The following PRKCZ variants were observed in gnomAD, a reference collection of about 807,000 sequenced individuals.
PRKCZ encodes protein kinase C zeta.
PRKCZ carries 33 observed loss-of-function variants against 79.5 expected under a neutral mutation model. The observed-to-expected ratio is 0.41, with a 90% confidence interval of 0.31 to 0.55. PRKCZ has a LOEUF of 0.55. Ranked by LOEUF, PRKCZ falls within the 20% of genes least tolerant of loss-of-function variation. The pLI is 0.19. For missense variants in PRKCZ, 578 were observed against 813.5 expected (o/e 0.71, Z 3.52); for synonymous variants, 342 against 320.9 (o/e 1.07, Z -0.70).
At position 2,165,669 on chromosome 1, in the gene PRKCZ, G is replaced by A. The variant is rs1347363200; in HGVS notation, c.975-3849G>A. Reference sequence around the variant, plus strand: ...TTAGACACTGCGTGAAGGGACGCGTGTGGCCGTGTTCCACCAGAACTTTCT... The same window carrying A: ...TTAGACACTGCGTGAAGGGACGCGTATGGCCGTGTTCCACCAGAACTTTCT... On this transcript the variant is annotated intron_variant, in intron 10 of 17. Transcript: ENST00000378567. This position sits in a 1 kb window ranked among gnomAD's most constrained non-coding sequence, Gnocchi z 4.1. Among the ~76,000 whole-genome samples the A allele has an allele frequency of 2.6e-5, 4 of 152,234 alleles. No individual in the cohort carries two copies. Among genetic ancestry groups the A allele is most frequent in the Non-Finnish European group, 5.9e-5 (4 of 68,038 alleles).
intron 4 of PRKCZ, chr1:2,104,638 G>A: frequency 2.1e-6 from 2 of 971,442 alleles, no homozygotes; most frequent in Non-Finnish European, 2.4e-6. Flanking sequence ...CCCAGGCAGG[G>A]AGCATCCAGG....
intron 1 of PRKCZ, among the ~76,000 whole-genome samples, chr1:2,054,385 C>T (rs1224418942): frequency 1.3e-5 from 2 of 152,146 alleles, no homozygotes; most frequent in Non-Finnish European, 2.9e-5. Flanking sequence ...TCCCTCCCCT[C>T]CACGCAGGGT....
chr1:2,077,108 G>A (rs918736434), intron 4 of PRKCZ, among the ~76,000 whole-genome samples: 9 of 152,216 alleles, frequency 5.9e-5, no homozygotes, highest in Non-Finnish European at 7.3e-5. Context: ...CCCTGCTGCC[G>A]GTTGTTCTGG....
At chr1:2,087,092 A>AT (rs555438927) in intron 4 of PRKCZ, among the ~76,000 whole-genome samples, 6 of 151,484 alleles carry the variant, frequency 4.0e-5, no homozygotes, top group East Asian at 1.9e-4. Context: ...TCTTTTATTT[A>AT]TTTTTTTTGA....
chr1:2,078,066 A>G (rs1662766164), intron 4 of PRKCZ, among the ~76,000 whole-genome samples: 1 of 152,070 alleles, frequency 6.6e-6, no homozygotes, highest in Non-Finnish European at 1.5e-5. Flanking sequence ...GAAGAGGGGC[A>G]GCTCCCACCG....
intron 10 of PRKCZ, 90 bp downstream of exon 10, chr1:2,156,182 C>T: frequency 8.0e-7 from 1 of 1,242,254 alleles, no homozygotes; most frequent in Middle Eastern, 1.9e-4. Flanking sequence ...TCAACTGTCA[C>T]CTGTAAGGTT....
At chr1:2,139,416 C>T (rs908003115) in intron 5 of PRKCZ, among the ~76,000 whole-genome samples, 2 of 151,958 alleles carry the variant, frequency 1.3e-5, no homozygotes, top group African/African-American at 2.4e-5. Flanking sequence ...GGTGAAACCC[C>T]GTGTCTACTA....
intron 3 of PRKCZ, among the ~76,000 whole-genome samples, chr1:2,057,223 A>G (rs1660250644): frequency 6.6e-6 from 1 of 152,116 alleles, no homozygotes; most frequent in Non-Finnish European, 1.5e-5. Context: ...TTTAAGTTCA[A>G]AGCCCCATGA....
At chr1:2,100,537 T>C (rs1315482663) in intron 4 of PRKCZ, among the ~76,000 whole-genome samples, 1 of 152,246 alleles carries the variant, frequency 6.6e-6, no homozygotes, top group East Asian at 1.9e-4. Flanking sequence ...TGGGCGATGA[T>C]GTCTCTGATA....
At chr1:2,150,161 CAAAA>C (rs750010192) in intron 8 of PRKCZ, among the ~76,000 whole-genome samples, 10 of 46,684 alleles carry the variant, frequency 2.1e-4, no homozygotes, top group Admixed American at 6.7e-4. Context: ...GACTCCGTCT[CAAAA>C]AAAAAAAAAA....
chr1:2,080,071 G>A (rs965816901), intron 4 of PRKCZ, among the ~76,000 whole-genome samples: 3 of 152,210 alleles, frequency 2.0e-5, no homozygotes, highest in African/African-American at 7.2e-5. Context: ...CTTCTTTGGG[G>A]TTCGGCCCAG....
chr1:2,133,020 G>A (rs1314228245), intron 4 of PRKCZ, among the ~76,000 whole-genome samples: 1 of 152,216 alleles, frequency 6.6e-6, no homozygotes, highest in East Asian at 1.9e-4. Flanking sequence ...GGGGACGCCG[G>A]GCTGTGTGCT....
At chr1:2,146,194 C>T in intron 7 of PRKCZ, 86 bp downstream of exon 7, 1 of 1,315,414 alleles carries the variant, frequency 7.6e-7, no homozygotes, top group South Asian at 1.2e-5. Context: ...AGTCCTTTCT[C>T]AGTCCCATCT....
At chr1:2,170,515 C>A (rs1297113144) in intron 11 of PRKCZ, among the ~76,000 whole-genome samples, 2 of 152,140 alleles carry the variant, frequency 1.3e-5, no homozygotes, top group Non-Finnish European at 2.9e-5. Flanking sequence ...TAAAAGGTAG[C>A]ATTTTGGGGC....
intron 10 of PRKCZ, among the ~76,000 whole-genome samples, chr1:2,160,641 G>C (rs1179489614): frequency 6.6e-6 from 1 of 152,156 alleles, no homozygotes; most frequent in Non-Finnish European, 1.5e-5. Context: ...TGAGGAGTAG[G>C]ATCTGGGCCG....
chr1:2,137,686 G>A (rs1377256886), intron 5 of PRKCZ, among the ~76,000 whole-genome samples: 1 of 152,188 alleles, frequency 6.6e-6, no homozygotes, highest in African/African-American at 2.4e-5. Context: ...GGCAGCACAG[G>A]GTGTGGCCTC....
chr1:2,151,227 A>T (rs1679845047), intron 9 of PRKCZ, among the ~76,000 whole-genome samples: 1 of 152,246 alleles, frequency 6.6e-6, no homozygotes, highest in Non-Finnish European at 1.5e-5. Context: ...AGCCAACTCC[A>T]CAGCCAAGAT....
intron 2 of PRKCZ, among the ~76,000 whole-genome samples, 195 bp from the exon 3 acceptor site, chr1:2,056,289 C>G (rs1660152369): frequency 6.6e-6 from 1 of 152,224 alleles, no homozygotes; most frequent in African/African-American, 2.4e-5. Flanking sequence ...GGCTCTGACG[C>G]TGCACCGGGG....
chr1:2,124,826 C>A (rs577392317), intron 4 of PRKCZ, among the ~76,000 whole-genome samples: 1 of 151,962 alleles, frequency 6.6e-6, no homozygotes, highest in Admixed American at 6.6e-5. Flanking sequence ...TCTCTGGCAA[C>A]ACCTTCTCTT....
Sources: gnomAD v4.1 joint callset for allele counts (sites outside exome capture counted in the v4.1 genomes callset) on GRCh38, gnomAD v4.1.1 for gene constraint, Gnocchi (gnomAD v3.1) non-coding constraint, MANE v1.5 for transcripts, NCBI Gene and HGNC (gene_info 2026-07-23, HGNC 2026-07-21) for gene names.